TTC3: variants seen among roughly 807,000 people sequenced by gnomAD.
The protein encoded by TTC3 is tetratricopeptide repeat domain 3.
A neutral mutation model predicts 249.6 loss-of-function variants in TTC3; 180 were observed. The observed-to-expected ratio is 0.72, with a 90% CI of 0.64 to 0.82. TTC3 has a LOEUF of 0.82. Ranked by LOEUF, TTC3 falls within the 40% of genes least tolerant of loss-of-function variation. The pLI, the probability that TTC3 is intolerant of heterozygous loss-of-function variation, is 0.00. For missense variants in TTC3, 2,061 were observed against 2,398.4 expected (o/e 0.86, Z 2.94); for synonymous variants, 717 against 805.0 (o/e 0.89, Z 1.85).
chr21:37,129,593 A>T (rs1042730453), intron 16 of TTC3, among the ~76,000 whole-genome samples: 1 of 152,184 alleles, frequency 6.6e-6, no homozygotes, highest in Non-Finnish European at 1.5e-5. Flanking sequence ...TCTATCAAAC[A>T]TCCCCATGAA....
At chr21:37,198,778 A>C (rs1316369668) in intron 44 of TTC3, among the ~76,000 whole-genome samples, 2 of 152,198 alleles carry the variant, frequency 1.3e-5, no homozygotes, top group African/African-American at 4.8e-5. Flanking sequence ...GGATATGTGA[A>C]TTAGTCAAAA....
At chr21:37,116,024 G>A (rs189190195) in intron 11 of TTC3, among the ~76,000 whole-genome samples, 22 of 152,146 alleles carry the variant, frequency 1.4e-4, no homozygotes, top group Admixed American at 1.2e-3. Context: ...TACTGTTTGA[G>A]TTATAGTGGC....
chr21:37,155,736 G>A lies in TTC3; in HGVS notation c.2741-919G>A, dbSNP rs570756151. ...GTGGGGCTTCACCGTCATTTCAGTA[G>A]GAGTCTGTATGAGATTGTAGTCACC... On this transcript the variant is annotated intron_variant, in intron 27 of 45. Transcript: ENST00000355666. 1.2e-4 allele frequency among the ~76,000 whole-genome samples: 18 copies of A among 152,288 alleles called. No homozygotes were observed. In the South Asian group the frequency reaches 3.7e-3, roughly 32 times the overall value.
intron 11 of TTC3, among the ~76,000 whole-genome samples, chr21:37,114,891 A>T (rs527715614): frequency 1.3e-5 from 2 of 152,120 alleles, no homozygotes; most frequent in Non-Finnish European, 1.5e-5. Context: ...AGGGACATGG[A>T]TGAAGCTGGA....
chr21:37,120,229 A>T lies in TTC3; in HGVS notation c.901-1588A>T, dbSNP rs569059293. ...TGTGTGATAGAGAATGAGATAGTGA[A>T]AAGACCTTTTTATTGTAATTGGGTT... On this transcript the variant is annotated intron_variant, in intron 11 of 45. Transcript: ENST00000355666. Among the ~76,000 whole-genome samples the T allele has an allele frequency of 1.5e-3, 224 of 152,302 alleles. 2 individuals are homozygous for T. Among genetic ancestry groups the T allele is most frequent in the African/African-American group, 4.9e-3 (205 of 41,556 alleles).
intron 35 of TTC3, among the ~76,000 whole-genome samples, chr21:37,173,532 A>G (rs977568236): frequency 2.0e-5 from 3 of 152,260 alleles, no homozygotes; most frequent in African/African-American, 7.2e-5. Flanking sequence ...TGAGGAAATC[A>G]TGGTGCATTT....
chr21:37,173,581 A>G (rs1375104752), intron 35 of TTC3, among the ~76,000 whole-genome samples: 2 of 152,274 alleles, frequency 1.3e-5, no homozygotes, highest in African/African-American at 4.8e-5. Flanking sequence ...GAAAGGTAAC[A>G]AAAGAATAGT....
rs2835614 is a variant in TTC3, at chr21:37,124,837, C to T, written c.1233+95C>T. On this transcript the variant is annotated intron_variant, in intron 14 of 45. Transcript: ENST00000355666. ...GTGGTAATAGAAACCAAATTTTTGG[C>T]GATTTGAACCCTTTTTGCCTATTGT... is the stretch of plus-strand genomic sequence containing the variant. 10,034 of 1,237,196 alleles carry T rather than the reference C, an allele frequency of 8.1e-3. 542 individuals carry two copies. The African/African-American group carries it at 0.13, about 16-fold the overall frequency. 76.6% of individuals were successfully genotyped at this position (1,237,196 alleles called of 1,614,324 possible).
At chr21:37,151,907 G>T in exon 26 of TTC3, 1 of 1,595,262 alleles carries the variant, frequency 6.3e-7, no homozygotes, top group Non-Finnish European at 8.5e-7. Flanking sequence ...GAGAAACTAA[G>T]ACTGAAAGAA....
chr21:37,200,316 C>T, exon 45 of TTC3: 1 of 1,614,192 alleles, frequency 6.2e-7, no homozygotes, highest in South Asian at 1.1e-5. Flanking sequence ...GCACAAGTAT[C>T]ACAAAGGGGT....
chr21:37,192,996 A>T (rs2084375201), intron 41 of TTC3, among the ~76,000 whole-genome samples: 1 of 152,256 alleles, frequency 6.6e-6, no homozygotes, highest in African/African-American at 2.4e-5. Flanking sequence ...AGATCTTGAG[A>T]GAAAACTTAG....
intron 35 of TTC3, among the ~76,000 whole-genome samples, chr21:37,175,583 G>A (rs1300599125): frequency 7.9e-6 from 1 of 127,160 alleles, no homozygotes; most frequent in Non-Finnish European, 1.6e-5. Context: ...GGCGACAAGA[G>A]CTAGACTCCA....
chr21:37,076,584 T>C (rs1012640858), intron 1 of TTC3, among the ~76,000 whole-genome samples: 2 of 152,120 alleles, frequency 1.3e-5, no homozygotes, highest in African/African-American at 4.8e-5. Flanking sequence ...CTTTCTTACC[T>C]TGTGTTTCTA....
chr21:37,163,262 TAGC>T (rs2080939205), intron 31 of TTC3, among the ~76,000 whole-genome samples: 1 of 152,238 alleles, frequency 6.6e-6, no homozygotes, highest in Non-Finnish European at 1.5e-5. Context: ...AGCTTATAAA[TAGC>T]AGAGCTGGGA....
In TTC3 at chr21:37,159,756, TG is replaced by T. The variant is rs34771928; in HGVS notation, c.3039+13del. 1 allele frequency: 1,613,487 copies of T among 1,613,500 alleles called. 806,737 individuals carry two copies. Among genetic ancestry groups the T allele is most frequent in the Middle Eastern group, 1 (6,062 of 6,062 alleles). On this transcript the variant is annotated intron_variant, in intron 29 of 45. Coordinates refer to ENST00000355666, the Ensembl canonical transcript of TTC3. ...AGTGGTGAAGCACCGGTAAGTTACT[TG>T]GATCACTTGAATCTTACGTTCTAAT...
At chr21:37,090,802 C>A (rs1383141954) in intron 6 of TTC3, among the ~76,000 whole-genome samples, 1 of 152,176 alleles carries the variant, frequency 6.6e-6, no homozygotes, top group Admixed American at 6.5e-5. Flanking sequence ...TGCCCATTTG[C>A]CCAGCCACAT....
intron 32 of TTC3, among the ~76,000 whole-genome samples, chr21:37,165,147 G>A (rs899927685): frequency 2.0e-5 from 3 of 152,088 alleles, no homozygotes; most frequent in East Asian, 1.9e-4. Context: ...TTTACTGTAC[G>A]CAAATTCAAA....
intron 11 of TTC3, among the ~76,000 whole-genome samples, 168 bp from the exon 12 acceptor site, chr21:37,121,649 A>G (rs776236085): frequency 6.6e-6 from 1 of 152,202 alleles, no homozygotes; most frequent in South Asian, 2.1e-4. Flanking sequence ...TCATTAGGTA[A>G]TGTTATTTCC....
At chr21:37,195,580 T>A (rs2084793431) in intron 41 of TTC3, 95 bp from the exon 42 acceptor site, 5 of 1,493,820 alleles carry the variant, frequency 3.3e-6, no homozygotes, top group Non-Finnish European at 4.5e-6. Flanking sequence ...GCCTCTGCGC[T>A]GCGTTACTGT....
Sources: allele counts gnomAD v4.1 joint callset (sites outside exome capture counted in the v4.1 genomes callset), GRCh38; gene constraint gnomAD v4.1.1; transcripts MANE v1.5; gene names NCBI Gene and HGNC (gene_info 2026-07-23, HGNC 2026-07-21).